The following NACC2 variants were observed in gnomAD, a reference collection of about 807,000 sequenced individuals.
NACC2 encodes nucleus accumbens-associated protein 2.
In NACC2, 8 loss-of-function variants were observed where a neutral mutation model predicts 25.1. The ratio of observed to expected loss-of-function variants is 0.32; its 90% CI spans 0.19 to 0.57. The LOEUF is 0.57. Ranked by LOEUF, NACC2 falls within the 20% of genes least tolerant of loss-of-function variation. The probability of loss-of-function intolerance (pLI) is 0.89; values close to 1 mark genes in which losing one functional copy is unlikely to be tolerated. For synonymous variants in NACC2, 435 were observed against 294.7 expected, an observed-to-expected ratio of 1.48 and a Z score of -4.88; for missense variants, 644 against 650.2, an observed-to-expected ratio of 0.99 and a Z score of 0.10.
chr9:136,056,949 GCAGGCCCA>G (rs1320532783), intron 1 of NACC2, among the ~76,000 whole-genome samples: 1 of 152,224 alleles, frequency 6.6e-6, no homozygotes, highest in African/African-American at 2.4e-5. Context: ...CCACCCGTGG[GCAGGCCCA>G]CAGATAGAGG....
At chr9:136,054,602 G>C (rs1328946584) in intron 1 of NACC2, among the ~76,000 whole-genome samples, 11 of 152,322 alleles carry the variant, frequency 7.2e-5, no homozygotes, top group Non-Finnish European at 1.5e-4. Flanking sequence ...GCCCAGGGAC[G>C]TGAGCAGAGC....
intron 1 of NACC2, among the ~76,000 whole-genome samples, chr9:136,056,640 G>C (rs143655110): frequency 1.1e-4 from 17 of 152,358 alleles, no homozygotes; most frequent in African/African-American, 3.1e-4. Flanking sequence ...CCCAGCTTCA[G>C]GGTCACAGAG....
chr9:136,024,403 A>T, intron 2 of NACC2, among the ~76,000 whole-genome samples: 1 of 117,838 alleles, frequency 8.5e-6, no homozygotes, highest in South Asian at 3.0e-4. Flanking sequence ...GTGTGTGAGG[A>T]CAGAGTGTGT....
intron 2 of NACC2, among the ~76,000 whole-genome samples, chr9:136,025,614 T>TAA (rs942237535): frequency 2.2e-5 from 3 of 139,182 alleles, no homozygotes; most frequent in Non-Finnish European, 3.2e-5. Flanking sequence ...TAAGTCCTAT[T>TAA]AAAAAAAAAA....
chr9:136,031,983 A>T (rs933869096), intron 2 of NACC2, among the ~76,000 whole-genome samples: 26 of 151,836 alleles, frequency 1.7e-4, no homozygotes, highest in African/African-American at 6.1e-4. Flanking sequence ...TGCTCTGCAT[A>T]AATGAATGGG....
chr9:136,061,573 T>C (rs1224171927), intron 1 of NACC2, among the ~76,000 whole-genome samples: 2 of 152,024 alleles, frequency 1.3e-5, no homozygotes, highest in African/African-American at 4.8e-5. Context: ...AGAGGATGCG[T>C]GTACACGTTC....
At chr9:136,032,813 C>T (rs1237965799) in intron 2 of NACC2, among the ~76,000 whole-genome samples, 4 of 151,970 alleles carry the variant, frequency 2.6e-5, no homozygotes, top group African/African-American at 7.3e-5. Flanking sequence ...GGGTGGATCA[C>T]GAGACTAGCC....
At chr9:136,080,845 G>A (rs79804304) in intron 1 of NACC2, among the ~76,000 whole-genome samples, 3 of 152,218 alleles carry the variant, frequency 2.0e-5, no homozygotes, top group East Asian at 1.9e-4. Flanking sequence ...TGTGCCCGGC[G>A]CAAACTCCAG....
intron 1 of NACC2, among the ~76,000 whole-genome samples, chr9:136,061,580 G>A (rs989274423): frequency 1.3e-5 from 2 of 152,134 alleles, no homozygotes; most frequent in South Asian, 2.1e-4. Flanking sequence ...GCGTGTACAC[G>A]TTCGGGGGTT....
intron 2 of NACC2, among the ~76,000 whole-genome samples, chr9:136,036,245 A>G (rs1840550887): frequency 6.6e-6 from 1 of 152,238 alleles, no homozygotes; most frequent in South Asian, 2.1e-4. Flanking sequence ...AATGTGCCCA[A>G]CGTCATGACT....
Position 136,086,494 on chromosome 9 carries a change from C to T in NACC2, c.-60+8695G>A, listed in dbSNP as rs1175651792. 2.6e-5 allele frequency among the ~76,000 whole-genome samples: 4 copies of T among 152,070 alleles called. No homozygotes were observed. Among genetic ancestry groups the T allele is most frequent in the African/African-American group, 7.2e-5 (3 of 41,416 alleles). ...TCTGGCTTGGTGTGGGCCCCAGGGA[C>T]GTCGCATGCCCCCAGCTTCCCGACA... On this transcript the variant is annotated intron_variant, in intron 1 of 5. Transcript: ENST00000277554. The surrounding 1 kb of genome is among the most constrained non-coding windows in gnomAD (Gnocchi z 5.6).
Position 136,032,382 on chromosome 9 carries a change from G to GA in NACC2, c.887-15954dup, listed in dbSNP as rs375385645. On this transcript the variant is annotated intron_variant, in intron 2 of 5. Transcript: ENST00000277554. ...TTTGTTACAATGCAACACTTACGAG[G>GA]AAAAAAAAAACCCTCTTAACCTAGG... 1.4e-3 allele frequency among the ~76,000 whole-genome samples: 207 copies of GA among 144,260 alleles called. 1 individual carries two copies. Among genetic ancestry groups the GA allele is most frequent in the African/African-American group, 2.1e-3 (79 of 37,476 alleles). 94.6% of individuals were successfully genotyped at this position (144,260 alleles called of 152,430 possible).
Position 136,019,832 on chromosome 9 carries a change from G to A in NACC2, c.887-3403C>T, listed in dbSNP as rs1415486739. Among the ~76,000 whole-genome samples the A allele has an allele frequency of 2.6e-5, 4 of 152,128 alleles. No homozygotes were observed. The highest frequency in any genetic ancestry group is 2.1e-4 in the South Asian group (1 of 4,828). On this transcript the variant is annotated intron_variant, in intron 2 of 5. Coordinates refer to ENST00000277554, the MANE Select transcript of NACC2 (RefSeq NM_144653.5). The surrounding 1 kb of genome is among the most constrained non-coding windows in gnomAD (Gnocchi z 5.2). ...CTTCCAGGCCCTTCTGCTCCCAGCC[G>A]GGCGACACCAGGGGAGCTTGCGAGA...
At chr9:136,056,697 C>T (rs936077761) in intron 1 of NACC2, among the ~76,000 whole-genome samples, 11 of 152,150 alleles carry the variant, frequency 7.2e-5, no homozygotes, top group Admixed American at 2.0e-4. Flanking sequence ...CTATCACTGT[C>T]GCCCCAGCCT....
intron 1 of NACC2, among the ~76,000 whole-genome samples, chr9:136,053,659 G>A (rs1840882127): frequency 6.7e-6 from 1 of 149,926 alleles, no homozygotes; most frequent in Admixed American, 6.6e-5. Flanking sequence ...GAGGGCAGAG[G>A]CCCCTAGACA....
intron 1 of NACC2, among the ~76,000 whole-genome samples, chr9:136,092,523 G>A (rs752971717): frequency 6.6e-6 from 1 of 152,194 alleles, no homozygotes; most frequent in East Asian, 1.9e-4. Flanking sequence ...CTTCTCCTTC[G>A]AGCCACGCCT....
At position 136,009,503 on chromosome 9, in the gene NACC2, G is replaced by T. The variant is rs1269934114; in HGVS notation, c.*2013C>A. ...GGAGGGGCCGAGGTTAGCGTCCACA[G>T]TGCCTGCCCATGGTCCCCCACCTCC... On this transcript the variant is annotated 3_prime_UTR_variant, in exon 6 of 6. Coordinates refer to ENST00000277554, the MANE Select transcript of NACC2 (RefSeq NM_144653.5). The T allele has an allele frequency of 1.3e-5, 2 of 152,336 alleles. No homozygotes were observed. Among genetic ancestry groups the T allele is most frequent in the African/African-American group, 2.4e-5 (1 of 41,472 alleles). 9.4% of individuals were successfully genotyped at this position (152,336 alleles called of 1,614,324 possible).
rs1840906725 is a variant in NACC2, at chr9:136,055,241, A to G, written c.-59-4661T>C. ...TGGAACTGCAGCCAGACGCGCACAC[A>G]GGGGTTGGGGCAGCGTCTCCAGAAC... On this transcript the variant is annotated intron_variant, in intron 1 of 5. Coordinates refer to ENST00000277554, the MANE Select transcript of NACC2 (RefSeq NM_144653.5). This position sits in a 1 kb window ranked among gnomAD's most constrained non-coding sequence, Gnocchi z 4.9. Among the ~76,000 whole-genome samples the G allele has an allele frequency of 6.6e-6, 1 of 152,056 alleles. No homozygotes were observed. The highest frequency in any genetic ancestry group is 2.4e-5 in the African/African-American group (1 of 41,398).
intron 2 of NACC2, among the ~76,000 whole-genome samples, chr9:136,048,576 C>T (rs925459995): frequency 5.3e-5 from 8 of 152,224 alleles, no homozygotes; most frequent in African/African-American, 7.2e-5. Flanking sequence ...AAACCAAGTG[C>T]GGAGTTCTCA....
Sources: gnomAD v4.1 joint callset for allele counts (sites outside exome capture counted in the v4.1 genomes callset) on GRCh38, gnomAD v4.1.1 for gene constraint, Gnocchi (gnomAD v3.1) non-coding constraint, MANE v1.5 for transcripts, NCBI Gene and HGNC (gene_info 2026-07-23, HGNC 2026-07-21) for gene names.